Variants in TINAG observed in about 807,000 individuals in gnomAD.
TINAG encodes the protein tubulointerstitial nephritis antigen.
TINAG carries 83 observed loss-of-function variants against 72.7 expected under a neutral mutation model. The observed-to-expected ratio is 1.14, with a 90% CI of 0.96 to 1.37. The LOEUF is 1.37. Among genes scored for constraint, TINAG ranks in the 40% most tolerant of loss-of-function variants. The pLI is 0.00. For missense variants in TINAG, 685 were observed against 576.6 expected (o/e 1.19, Z -1.93); for synonymous variants, 234 against 189.9 (o/e 1.23, Z -1.91).
At chr6:54,321,137 G>A (rs538468314) in intron 2 of TINAG, among the ~76,000 whole-genome samples, 160 bp from the exon 3 acceptor site, 41 of 152,138 alleles carry the variant, frequency 2.7e-4, no homozygotes, top group Non-Finnish European at 3.2e-4. Context: ...GGTAGCTAAC[G>A]TATGTTTTAC....
chr6:54,370,397 T>C (rs898316586), intron 9 of TINAG, among the ~76,000 whole-genome samples: 12 of 152,112 alleles, frequency 7.9e-5, no homozygotes, highest in Non-Finnish European at 1.6e-4. Flanking sequence ...ATTTGAACCT[T>C]ACTACAAAGT....
chr6:54,385,049 G>A (rs774206331), intron 10 of TINAG, among the ~76,000 whole-genome samples: 17 of 152,074 alleles, frequency 1.1e-4, no homozygotes, highest in Non-Finnish European at 2.2e-4. Context: ...TGCATGCATT[G>A]GAAAAGAAGA....
At chr6:54,358,018 T>A (rs976873942) in intron 9 of TINAG, among the ~76,000 whole-genome samples, 10 of 151,846 alleles carry the variant, frequency 6.6e-5, no homozygotes, top group African/African-American at 2.4e-4. Flanking sequence ...CCTACCCATC[T>A]GTACCTTGAT....
chr6:54,316,393 A>T (rs898672453), intron 1 of TINAG, among the ~76,000 whole-genome samples: 1 of 152,216 alleles, frequency 6.6e-6, no homozygotes, highest in Admixed American at 6.5e-5. Flanking sequence ...ATGCTGATTA[A>T]CAAGTCATGA....
At chr6:54,347,256 A>G in intron 5 of TINAG, 111 bp from the exon 6 acceptor site, 1 of 1,000,664 alleles carries the variant, frequency 1.0e-6, no homozygotes, top group Non-Finnish European at 1.4e-6. Flanking sequence ...TTTAATTATA[A>G]ATTATACACA....
intron 9 of TINAG, among the ~76,000 whole-genome samples, chr6:54,370,663 A>G (rs1375229906): frequency 6.6e-6 from 1 of 152,058 alleles, no homozygotes; most frequent in Non-Finnish European, 1.5e-5. Flanking sequence ...TCACTCAAGG[A>G]AGCCACTGAG....
upstream of TINAG, chr6:54,308,219 T>G (rs1209684827): frequency 8.9e-7 from 1 of 1,128,420 alleles, no homozygotes; most frequent in Admixed American, 2.1e-5. Flanking sequence ...ACCTAGATTT[T>G]TTGAGAGGCA....
At chr6:54,372,859 A>C (rs1261954952) in intron 9 of TINAG, among the ~76,000 whole-genome samples, 1 of 151,604 alleles carries the variant, frequency 6.6e-6, no homozygotes, top group African/African-American at 2.4e-5. Flanking sequence ...GGCAATTTGC[A>C]ATGTCTTCTC....
At chr6:54,339,501 A>G (rs1784947343) in intron 4 of TINAG, among the ~76,000 whole-genome samples, 1 of 152,172 alleles carries the variant, frequency 6.6e-6, no homozygotes, top group South Asian at 2.1e-4. Context: ...GCTACTTTAC[A>G]TTCCACAGGG....
intron 4 of TINAG, among the ~76,000 whole-genome samples, chr6:54,333,397 C>A (rs772566206): frequency 6.6e-6 from 1 of 151,290 alleles, no homozygotes; most frequent in Admixed American, 6.6e-5. Context: ...TGTTCTCACT[C>A]ATAAGTGGGA....
intron 4 of TINAG, among the ~76,000 whole-genome samples, chr6:54,339,148 G>A (rs1421999531): frequency 2.0e-5 from 3 of 152,108 alleles, no homozygotes; most frequent in African/African-American, 7.2e-5. Flanking sequence ...AACTTTAATG[G>A]CAATTGTGTG....
intron 7 of TINAG, among the ~76,000 whole-genome samples, 198 bp from the exon 8 acceptor site, chr6:54,351,154 T>A (rs1785256059): frequency 6.6e-6 from 1 of 152,020 alleles, no homozygotes; most frequent in Non-Finnish European, 1.5e-5. Flanking sequence ...CACTCCAAAT[T>A]TACTATTTAG....
rs563400534 is a variant in TINAG at position 54,351,979 on chromosome 6, G to A, written c.1126+582G>A. 3.3e-5 allele frequency among the ~76,000 whole-genome samples: 5 copies of A among 151,832 alleles called. No homozygotes were observed. The South Asian group carries it at 1.0e-3, about 31-fold the overall frequency. On this transcript the variant is annotated intron_variant, in intron 8 of 10. Coordinates refer to ENST00000259782, the MANE Select transcript of TINAG (RefSeq NM_014464.4). ...GAAATCATACAGTTACTTGTATATT[G>A]CCTTTGATTTATATCATCTCTTATG...
chr6:54,354,558 T>A lies in TINAG; in HGVS notation c.1172T>A (p.Ile391Lys). ...REDFFHYKTGIYRHVTSTNKE... is the reference protein window; with the variant it reads ...REDFFHYKTGKYRHVTSTNKE... ...GATTTCTTCCATTATAAGACAGGGA[T>A]ATACAGACATGTTACCAGCACAAAT... The change falls in exon 9 of 11, where the codon ATA (isoleucine) becomes AAA (lysine). Residue 391 changes from isoleucine (I) to lysine (K), a missense_variant. Physicochemically the swap from Ile to Lys is moderately radical, Grantham distance 102. Coordinates refer to ENST00000259782, the MANE Select transcript of TINAG (RefSeq NM_014464.4). 1.2e-6 allele frequency: 2 copies of A among 1,610,182 alleles called. No individual in the cohort carries two copies.
At chr6:54,371,368 A>G (rs1435484462) in intron 9 of TINAG, among the ~76,000 whole-genome samples, 1 of 151,996 alleles carries the variant, frequency 6.6e-6, no homozygotes, top group East Asian at 1.9e-4. Flanking sequence ...TATTGTGAGG[A>G]TTAAATGAGA....
intron 1 of TINAG, among the ~76,000 whole-genome samples, chr6:54,319,502 C>G (rs575559431): frequency 6.6e-6 from 1 of 151,912 alleles, no homozygotes; most frequent in South Asian, 2.1e-4. Context: ...GAAAGGGATG[C>G]CTAGACGTAA....
At chr6:54,375,557 T>C (rs1763755351) in intron 9 of TINAG, among the ~76,000 whole-genome samples, 1 of 152,164 alleles carries the variant, frequency 6.6e-6, no homozygotes, top group Non-Finnish European at 1.5e-5. Context: ...TCCATATAAA[T>C]TGGCCAACAA....
chr6:54,355,047 G>C (rs1047569829), intron 9 of TINAG, among the ~76,000 whole-genome samples: 1 of 151,780 alleles, frequency 6.6e-6, no homozygotes, highest in Non-Finnish European at 1.5e-5. Context: ...TCAATATAAG[G>C]TTACTTTATA....
At chr6:54,320,384 A>G (rs1386527360) in intron 1 of TINAG, among the ~76,000 whole-genome samples, 195 bp from the exon 2 acceptor site, 3 of 152,284 alleles carry the variant, frequency 2.0e-5, no homozygotes, top group African/African-American at 7.2e-5. Context: ...TTAAAGATAA[A>G]AGCATTGAAA....
Sources: gnomAD v4.1 joint callset for allele counts (sites outside exome capture counted in the v4.1 genomes callset) on GRCh38, gnomAD v4.1.1 for gene constraint, MANE v1.5 for transcripts, NCBI Gene and HGNC (gene_info 2026-07-23, HGNC 2026-07-21) for gene names.